Variants in TBPL1 observed in about 807,000 individuals in gnomAD.
TBPL1 encodes TATA-box binding protein like 1, also known as TATA box-binding protein-like 1.
A neutral mutation model predicts 22.1 loss-of-function variants in TBPL1; 4 were observed. That is an observed-to-expected ratio of 0.18 (90% CI 0.09 to 0.41). TBPL1 has a LOEUF of 0.41. TBPL1 is among the 10% of genes least tolerant of loss of function. TBPL1 has a pLI of 1.00. For synonymous variants in TBPL1, 64 were observed against 71.0 expected (o/e 0.90, Z 0.50); for missense variants, 115 against 222.3 (o/e 0.52, Z 3.07).
At chr6:133,967,984 A>C (rs914037368) in intron 1 of TBPL1, among the ~76,000 whole-genome samples, 1 of 151,380 alleles carries the variant, frequency 6.6e-6, no homozygotes, top group African/African-American at 2.4e-5. Flanking sequence ...AGCAGTTATC[A>C]CTGTTAGGAT....
At chr6:133,986,730 A>T (rs2114397364) in intron 6 of TBPL1, among the ~76,000 whole-genome samples, 1 of 152,326 alleles carries the variant, frequency 6.6e-6, no homozygotes, top group South Asian at 2.1e-4. Context: ...CCTAAAACAA[A>T]GTGAATAACC....
intron 6 of TBPL1, 76 bp from the exon 7 acceptor site, chr6:133,986,885 A>T (rs1776535609): frequency 3.9e-6 from 4 of 1,018,468 alleles, no homozygotes; most frequent in Non-Finnish European, 5.8e-6. Context: ...AATATTTTTA[A>T]TTCTGGAAAA....
chr6:133,976,467 A>G (rs924065313), intron 1 of TBPL1, among the ~76,000 whole-genome samples: 1 of 152,180 alleles, frequency 6.6e-6, no homozygotes, highest in Non-Finnish European at 1.5e-5. Flanking sequence ...GTCATAAACA[A>G]CTTGGAATAT....
chr6:133,978,903 A>G (rs927408903), intron 1 of TBPL1, among the ~76,000 whole-genome samples: 1 of 152,218 alleles, frequency 6.6e-6, no homozygotes, highest in African/African-American at 2.4e-5. Context: ...TTTAAAAACA[A>G]CTATAGTATG....
intron 1 of TBPL1, among the ~76,000 whole-genome samples, chr6:133,976,140 G>A (rs540703718): frequency 3.3e-5 from 5 of 152,034 alleles, no homozygotes; most frequent in African/African-American, 4.8e-5. Flanking sequence ...AAAAAAGATC[G>A]TTAACTCTTT....
intron 1 of TBPL1, among the ~76,000 whole-genome samples, chr6:133,974,147 C>T (rs933029512): frequency 2.0e-5 from 3 of 152,070 alleles, no homozygotes; most frequent in African/African-American, 7.2e-5. Flanking sequence ...ATTTTTTCTA[C>T]TCTGGCAAAC....
intron 1 of TBPL1, among the ~76,000 whole-genome samples, chr6:133,976,643 T>C (rs1776317302): frequency 6.6e-6 from 1 of 152,190 alleles, no homozygotes; most frequent in Non-Finnish European, 1.5e-5. Flanking sequence ...ATTATGTCAC[T>C]ACACTTAAAA....
intron 1 of TBPL1, among the ~76,000 whole-genome samples, chr6:133,957,134 G>C (rs1228893313): frequency 6.6e-6 from 1 of 152,110 alleles, no homozygotes; most frequent in Admixed American, 6.5e-5. Flanking sequence ...TGGTTTTGTG[G>C]GTTGAAGCAT....
At chr6:133,954,513 G>A (rs896429263) in intron 1 of TBPL1, among the ~76,000 whole-genome samples, 1 of 152,222 alleles carries the variant, frequency 6.6e-6, no homozygotes, top group Non-Finnish European at 1.5e-5. Flanking sequence ...TGAAATATCA[G>A]TTTATGTTAC....
intron 2 of TBPL1, among the ~76,000 whole-genome samples, chr6:133,981,755 T>A (rs1361510336): frequency 6.6e-6 from 1 of 152,220 alleles, no homozygotes; most frequent in Admixed American, 6.5e-5. Flanking sequence ...TTTATGTTAG[T>A]CAGTGAGCAT....
At position 133,985,291 on chromosome 6, in the gene TBPL1, AAAAAAAATATATATATATAT is replaced by A. The variant is rs1197083650; in HGVS notation, c.481+622_481+641del. Among the ~76,000 whole-genome samples the A allele has an allele frequency of 1.4e-4, 9 of 66,222 alleles. 2 individuals carry two copies. Among genetic ancestry groups the A allele is most frequent in the African/African-American group, 5.5e-4 (9 of 16,262 alleles). The allele number at this position is 66,222 out of a possible 152,430, so 43.4% of individuals were successfully genotyped here. ...AGACTCTGTCTAAAAAAAAAAAAAA[AAAAAAAATATATATATATAT>A]ATATATATATATATATATATATATA... On this transcript the variant is annotated intron_variant, in intron 6 of 6. Transcript: ENST00000237264.
intron 1 of TBPL1, among the ~76,000 whole-genome samples, chr6:133,968,145 C>T (rs1418645613): frequency 6.6e-6 from 1 of 151,884 alleles, no homozygotes; most frequent in Non-Finnish European, 1.5e-5. Context: ...CGTGCCACCA[C>T]GCCCAGCTAA....
intron 2 of TBPL1, among the ~76,000 whole-genome samples, chr6:133,981,400 T>G (rs1776410771): frequency 6.6e-6 from 1 of 152,204 alleles, no homozygotes; most frequent in African/African-American, 2.4e-5. Context: ...TAAATATGTC[T>G]GCTCAAAAGT....
intron 1 of TBPL1, among the ~76,000 whole-genome samples, chr6:133,966,795 T>A (rs1040335556): frequency 7.2e-6 from 1 of 138,752 alleles, no homozygotes; most frequent in Non-Finnish European, 1.6e-5. Context: ...GCCTGTCTTG[T>A]GTCTACTACT....
intron 1 of TBPL1, among the ~76,000 whole-genome samples, chr6:133,963,134 T>A (rs918129378): frequency 6.6e-6 from 1 of 152,148 alleles, no homozygotes; most frequent in African/African-American, 2.4e-5. Flanking sequence ...AAGCATGAAG[T>A]GGAGTTTGGG....
rs1241822416 is a variant in TBPL1 at position 133,985,298 on chromosome 6, ATAT to A, written c.481+628_481+630del. Among the ~76,000 whole-genome samples the A allele has an allele frequency of 3.3e-3, 104 of 31,118 alleles. 11 individuals carry two copies. Among genetic ancestry groups the A allele is most frequent in the East Asian group, 9.6e-3 (6 of 626 alleles). 20.4% of individuals were successfully genotyped at this position (31,118 alleles called of 152,430 possible). A position where few individuals can be genotyped will look rare whatever the true frequency, so the allele number is the denominator to read the frequency against. ...GTCTAAAAAAAAAAAAAAAAAAAAA[ATAT>A]ATATATATATATATATATATATATA... On this transcript the variant is annotated intron_variant, in intron 6 of 6. Transcript: ENST00000237264.
chr6:133,980,954 A>G (rs1218936750), intron 2 of TBPL1, among the ~76,000 whole-genome samples: 2 of 147,562 alleles, frequency 1.4e-5, no homozygotes, highest in Non-Finnish European at 3.0e-5. Flanking sequence ...ATTGCCATTA[A>G]TTAATTAATT....
intron 1 of TBPL1, among the ~76,000 whole-genome samples, chr6:133,959,391 A>G (rs1010608982): frequency 6.6e-6 from 1 of 152,160 alleles, no homozygotes; most frequent in African/African-American, 2.4e-5. Flanking sequence ...TGGTATCAGT[A>G]CTATAGTCCA....
chr6:133,965,919 A>G (rs573462840), intron 1 of TBPL1, among the ~76,000 whole-genome samples: 15 of 152,326 alleles, frequency 9.8e-5, no homozygotes, highest in South Asian at 2.1e-4. Context: ...AATTTTCACA[A>G]CACTATGATG....
Sources: gnomAD v4.1 joint callset for allele counts (sites outside exome capture counted in the v4.1 genomes callset) on GRCh38, gnomAD v4.1.1 for gene constraint, MANE v1.5 for transcripts, NCBI Gene and HGNC (gene_info 2026-07-23, HGNC 2026-07-21) for gene names.